PRRC2B: variants seen among roughly 807,000 people sequenced by gnomAD.
PRRC2B encodes the protein proline rich coiled-coil 2B, also known as protein PRRC2B.
A neutral mutation model predicts 242.3 loss-of-function variants in PRRC2B; 68 were observed. The ratio of observed to expected loss-of-function variants is 0.28; its 90% confidence interval spans 0.23 to 0.34. The LOEUF (loss-of-function observed/expected upper bound fraction) is 0.34. PRRC2B is among the 10% of genes least tolerant of loss of function. PRRC2B has a pLI of 1.00. For synonymous variants in PRRC2B, 1,228 were observed against 1,173.6 expected, an observed-to-expected ratio of 1.05 and a Z score of -0.95; for missense variants, 2,835 against 2,954.8, an observed-to-expected ratio of 0.96 and a Z score of 0.94.
At chr9:131,454,152 C>T (rs1167625847) in intron 9 of PRRC2B, among the ~76,000 whole-genome samples, 2 of 152,208 alleles carry the variant, frequency 1.3e-5, no homozygotes, top group East Asian at 3.8e-4. Flanking sequence ...GCTTCTTTCA[C>T]TTAGTATAAT....
upstream of PRRC2B, among the ~76,000 whole-genome samples, chr9:131,392,218 C>A (rs1410358926): frequency 6.6e-6 from 1 of 151,760 alleles, no homozygotes; most frequent in East Asian, 1.9e-4. Flanking sequence ...TCTGCCTCAG[C>A]CTCCCAAGTA....
intron 2 of PRRC2B, among the ~76,000 whole-genome samples, chr9:131,431,275 C>T (rs1433311660): frequency 3.3e-5 from 5 of 152,084 alleles, no homozygotes; most frequent in South Asian, 2.1e-4. Flanking sequence ...GGACGACAGG[C>T]GCCCACCATC....
At chr9:131,444,100 C>A (rs529799285) in intron 5 of PRRC2B, 85 bp from the exon 6 acceptor site, 626 of 1,498,244 alleles carry the variant, frequency 4.2e-4, no homozygotes, top group Non-Finnish European at 5.4e-4. Flanking sequence ...TTCCAGGCAA[C>A]ACGGCTTTCA....
intron 1 of PRRC2B, among the ~76,000 whole-genome samples, chr9:131,407,921 C>T (rs1392073317): frequency 6.6e-6 from 1 of 152,194 alleles, no homozygotes; most frequent in Non-Finnish European, 1.5e-5. Flanking sequence ...ATGCTCTCTG[C>T]AGCTGTAATG....
chr9:131,490,614 C>G, intron 28 of PRRC2B: 1 of 518,920 alleles, frequency 1.9e-6, no homozygotes, highest in Non-Finnish European at 3.8e-6. Context: ...GTTCCCCTGT[C>G]CTTACAGTCT....
At position 131,453,497 on chromosome 9, in the gene PRRC2B, T is replaced by C. The variant is rs189576133; in HGVS notation, c.1121-1579T>C. ...AAGCAGTCCTCCCACCTTAGTCTCC[T>C]GTGTAGCCAGGACTGCAGGCATACA... On this transcript the variant is annotated intron_variant, in intron 9 of 31. Transcript: ENST00000683519. Among the ~76,000 whole-genome samples the C allele has an allele frequency of 9.1e-4, 139 of 152,286 alleles. 3 individuals are homozygous for C. The highest frequency in any genetic ancestry group is 9.0e-3 in the Admixed American group (137 of 15,280).
chr9:131,482,677 T>C lies in PRRC2B; in HGVS notation c.5176-33T>C. 1 of 1,533,310 alleles carries C rather than the reference T, an allele frequency of 6.5e-7. No homozygotes were observed. The highest frequency in any genetic ancestry group is 2.1e-5 in the Admixed American group (1 of 47,054). 95.0% of individuals were successfully genotyped at this position (1,533,310 alleles called of 1,614,324 possible). Reference sequence around the variant, plus strand: ...GCTAGAGAGTGTGGTCATTCCAGTCTGTGTGTCTCCACCTCTCTGCTTTTT... The same window carrying C: ...GCTAGAGAGTGTGGTCATTCCAGTCCGTGTGTCTCCACCTCTCTGCTTTTT... On this transcript the variant is annotated intron_variant, in intron 21 of 31. Transcript: ENST00000683519. The surrounding 1 kb of genome is among the most constrained non-coding windows in gnomAD (Gnocchi z 5.2).
chr9:131,395,369 T>C (rs190371902), intron 1 of PRRC2B, among the ~76,000 whole-genome samples: 10 of 152,230 alleles, frequency 6.6e-5, no homozygotes, highest in Admixed American at 5.2e-4. Context: ...TTAGCATGGT[T>C]TTTCCGAATC....
Position 131,475,505 on chromosome 9 carries a change from C to T in PRRC2B, c.3376C>T (p.Pro1126Ser). Residue 1126 changes from proline (P) to serine (S), a missense_variant, in exon 16 of 32, where the codon CCC (proline) becomes TCC (serine). This residue lies in a region of PRRC2B where 1,536 missense variants were observed against 1,483.1 expected (regional missense o/e 1.04). Coordinates refer to ENST00000683519, the MANE Select transcript of PRRC2B (RefSeq NM_013318.4). ...ARPEDCPRAK[P>S]RRRVASETHS... ...GCCAGAGGACTGCCCCAGAGCCAAG[C>T]CCCGACGGAGAGTTGCCAGTGAGAC... The T allele has an allele frequency of 6.2e-7, 1 of 1,607,454 alleles. No homozygotes were observed. The highest frequency in any genetic ancestry group is 8.5e-7 in the Non-Finnish European group (1 of 1,176,912).
In PRRC2B at chr9:131,478,638, G is replaced by C; in HGVS notation, c.4758+19G>C. The C allele has an allele frequency of 1.4e-6, 2 of 1,409,132 alleles. No individual in the cohort carries two copies. The highest frequency in any genetic ancestry group is 1.8e-5 in the Admixed American group (1 of 54,580). 87.3% of individuals were successfully genotyped at this position (1,409,132 alleles called of 1,614,324 possible). A position where few individuals can be genotyped will look rare whatever the true frequency, so the allele number is the denominator to read the frequency against. Reference sequence around the variant, plus strand: ...CGTGCAGGTGAGGGGCGGAGGGTGGGGGGGCATGGGGCTGGAGGGCAGGCT... The same window carrying C: ...CGTGCAGGTGAGGGGCGGAGGGTGGCGGGGCATGGGGCTGGAGGGCAGGCT... On this transcript the variant is annotated intron_variant, in intron 18 of 31. Transcript: ENST00000683519.
intron 9 of PRRC2B, among the ~76,000 whole-genome samples, chr9:131,452,956 G>A (rs1942966931): frequency 6.6e-6 from 1 of 152,158 alleles, no homozygotes; most frequent in Non-Finnish European, 1.5e-5. Context: ...GTGGTTGATG[G>A]TGGCATTCAG....
intron 3 of PRRC2B, among the ~76,000 whole-genome samples, chr9:131,435,063 C>T (rs757006901): frequency 2.6e-4 from 38 of 147,068 alleles, no homozygotes; most frequent in East Asian, 2.1e-4. Context: ...TTTGGGAGGC[C>T]GAGGAGGGTG....
intron 10 of PRRC2B, among the ~76,000 whole-genome samples, chr9:131,455,854 G>A (rs1234163693): frequency 6.0e-5 from 9 of 151,024 alleles, no homozygotes; most frequent in Non-Finnish European, 3.0e-5. Context: ...GGCTCGTGCT[G>A]TTAATTCCAG....
chr9:131,498,019 C>G lies in PRRC2B; in HGVS notation c.*2145C>G, dbSNP rs964367726. On this transcript the variant is annotated 3_prime_UTR_variant, in exon 32 of 32. Transcript: ENST00000683519. ...CTTGAGCCGCATGGCCAGACCCCTC[C>G]CACCTGATGCGGTGGTGCGTGTGAT... The G allele has an allele frequency of 3.0e-4, 45 of 152,228 alleles. No homozygotes were observed. The highest frequency in any genetic ancestry group is 1.0e-3 in the African/African-American group (42 of 41,436). 9.4% of individuals were successfully genotyped at this position (152,228 alleles called of 1,614,324 possible).
chr9:131,384,901 T>C (rs1409837061), intron 1 of PRRC2B, among the ~76,000 whole-genome samples: 1 of 152,184 alleles, frequency 6.6e-6, no homozygotes, highest in Non-Finnish European at 1.5e-5. Flanking sequence ...GAACCAGAGC[T>C]GGAAGATGGA....
intron 1 of PRRC2B, among the ~76,000 whole-genome samples, chr9:131,409,839 C>T (rs150619380): frequency 6.6e-5 from 10 of 152,304 alleles, no homozygotes; most frequent in African/African-American, 2.4e-4. Flanking sequence ...AAGGAACAAT[C>T]CAATACAAAT....
At chr9:131,421,519 A>G (rs772876094) in intron 1 of PRRC2B, among the ~76,000 whole-genome samples, 1 of 152,124 alleles carries the variant, frequency 6.6e-6, no homozygotes. Flanking sequence ...TGGAATCATG[A>G]TTTTTGGTAT....
rs1944023863 is a variant in PRRC2B, at chr9:131,486,325, C to T, written c.5856+143C>T. 22 of 841,300 alleles carry T rather than the reference C, an allele frequency of 2.6e-5. No homozygotes were observed. The South Asian group carries it at 3.0e-4, about 12-fold the overall frequency. The allele number at this position is 841,300 out of a possible 1,614,324, so 52.1% of individuals were successfully genotyped here. On this transcript the variant is annotated intron_variant, in intron 26 of 31. Coordinates refer to ENST00000683519, the MANE Select transcript of PRRC2B (RefSeq NM_013318.4). ...GTGGTGACCAGCACCTGGCCCGCCA[C>T]GGCAGCCAGGAGGCATTTGTTAAGC... is the stretch of plus-strand genomic sequence containing the variant.
rs769156388 is a variant in PRRC2B, at chr9:131,436,664, C to G, written c.338C>G (p.Pro113Arg). The G allele has an allele frequency of 2.5e-6, 4 of 1,613,988 alleles. No homozygotes were observed. The East Asian group carries it at 6.7e-5, about 27-fold the overall frequency. ...CAGCCGCCGGAGTCGCTGCCGCAGC[C>G]GGGTTTGCAGAAATCTGTCTCCAAT... ...ASQPPESLPQ[P>R]GLQKSVSNLQ... The change falls in exon 4 of 32, where the codon CCG becomes CGG. Residue 113 changes from proline to arginine, a missense_variant. Coordinates refer to ENST00000683519, the MANE Select transcript of PRRC2B (RefSeq NM_013318.4).
Sources: gnomAD v4.1 joint callset for allele counts (sites outside exome capture counted in the v4.1 genomes callset) on GRCh38, gnomAD v4.1.1 for gene constraint, gnomAD v4.1.1 regional missense constraint, Gnocchi (gnomAD v3.1) non-coding constraint, MANE v1.5 for transcripts, NCBI Gene and HGNC (gene_info 2026-07-23, HGNC 2026-07-21) for gene names.